Variants in PDE1C observed in about 807,000 individuals in gnomAD.
PDE1C encodes the protein dual specificity calcium/calmodulin-dependent 3',5'-cyclic nucleotide phosphodiesterase 1C.
In PDE1C, 62 loss-of-function variants were observed where a neutral mutation model predicts 93.1. The ratio of observed to expected loss-of-function variants is 0.67; its 90% CI spans 0.54 to 0.82. The LOEUF (loss-of-function observed/expected upper bound fraction) is 0.82, where lower values mean the gene tolerates loss of function less well. PDE1C is among the 40% of genes least tolerant of loss of function. The pLI is 0.00. For missense variants in PDE1C, 742 were observed against 884.6 expected, an observed-to-expected ratio of 0.84 and a Z score of 2.04; for synonymous variants, 325 against 310.1, an observed-to-expected ratio of 1.05 and a Z score of -0.50.
intron 1 of PDE1C, among the ~76,000 whole-genome samples, chr7:32,357,747 C>T (rs1287848732): frequency 6.6e-6 from 1 of 152,176 alleles, no homozygotes; most frequent in African/African-American, 2.4e-5. Flanking sequence ...GAGTACATGC[C>T]TTCACTGTGG....
chr7:31,991,736 G>A (rs554607011), intron 2 of PDE1C, among the ~76,000 whole-genome samples: 5 of 152,268 alleles, frequency 3.3e-5, no homozygotes, highest in South Asian at 2.1e-4. Flanking sequence ...GTGTATATGC[G>A]TATGTGTGTG....
At chr7:31,645,758 AG>A in the PDE1C span, among the ~76,000 whole-genome samples, 1 of 152,054 alleles carries the variant, frequency 6.6e-6, no homozygotes, top group Non-Finnish European at 1.5e-5. Context: ...TCACAACGGG[AG>A]GGGGGTGGTT....
At chr7:32,358,727 A>G (rs1784077254) in intron 1 of PDE1C, among the ~76,000 whole-genome samples, 1 of 152,198 alleles carries the variant, frequency 6.6e-6, no homozygotes, top group African/African-American at 2.4e-5. Flanking sequence ...CCCATTTTAC[A>G]GGTGAGGAAA....
At chr7:32,017,955 C>T (rs2128604726) in intron 2 of PDE1C, among the ~76,000 whole-genome samples, 1 of 152,006 alleles carries the variant, frequency 6.6e-6, no homozygotes, top group East Asian at 1.9e-4. Flanking sequence ...TGGTGCATGC[C>T]TGTGGTCCCT....
At chr7:32,257,929 GC>G (rs1020847761) in intron 1 of PDE1C, among the ~76,000 whole-genome samples, 1 of 152,208 alleles carries the variant, frequency 6.6e-6, no homozygotes, top group Admixed American at 6.5e-5. Context: ...CTGTCCTGCA[GC>G]CAAGGAAATG....
intron 2 of PDE1C, among the ~76,000 whole-genome samples, chr7:31,962,635 G>C (rs1027077379): frequency 2.6e-5 from 4 of 152,160 alleles, no homozygotes; most frequent in African/African-American, 9.7e-5. Flanking sequence ...AAGCAGGAGA[G>C]GACATGGTTA....
intron 16 of PDE1C, chr7:31,783,655 T>C (rs758498966): frequency 2.0e-5 from 3 of 152,046 alleles, no homozygotes; most frequent in Non-Finnish European, 4.4e-5. Context: ...AGATTTACAA[T>C]AAACACATCA....
chr7:32,077,101 G>A (rs565147799), intron 3 of PDE1C, among the ~76,000 whole-genome samples: 3 of 152,248 alleles, frequency 2.0e-5, no homozygotes, highest in Non-Finnish European at 2.9e-5. Context: ...GTAGCCAGGC[G>A]TGGTGGCACA....
At position 32,307,908 on chromosome 7, in the gene PDE1C, CGTGAGCCGAAGCAGG is replaced by C. The variant is rs1023554286; in HGVS notation, c.311-98384_311-98370del. On this transcript the variant is annotated intron_variant, in intron 1 of 1. Transcript: ENST00000672256. The stretch of plus-strand genomic sequence containing the variant: ...AGGACAGTGGGTGCAGCGCACTGTG[CGTGAGCCGAAGCAGG>C]GCGAGGCATTGTCTCACTTGGGAAG... Among the ~76,000 whole-genome samples, 16 of 152,250 alleles carry C rather than the reference CGTGAGCCGAAGCAGG, an allele frequency of 1.1e-4. No individual in the cohort carries two copies. In the South Asian group the frequency reaches 3.1e-3, roughly 30 times the overall value.
chr7:32,291,833 G>A (rs568131384), intron 1 of PDE1C, among the ~76,000 whole-genome samples: 7 of 152,268 alleles, frequency 4.6e-5, no homozygotes, highest in South Asian at 2.1e-4. Context: ...GGCAGGAATC[G>A]CAGAGATTTC....
intron 1 of PDE1C, among the ~76,000 whole-genome samples, chr7:32,285,478 C>T (rs963450725): frequency 1.3e-5 from 2 of 151,918 alleles, no homozygotes; most frequent in African/African-American, 4.8e-5. Flanking sequence ...AATGGATAAA[C>T]AAATGTATAT....
intron 2 of PDE1C, among the ~76,000 whole-genome samples, chr7:31,953,751 T>G (rs2129017685): frequency 6.6e-6 from 1 of 151,774 alleles, no homozygotes; most frequent in South Asian, 2.1e-4. Context: ...CCACATTAAC[T>G]CAAGGCCTGT....
At chr7:32,067,655 C>T (rs954202936) in intron 1 of PDE1C, among the ~76,000 whole-genome samples, 5 of 152,188 alleles carry the variant, frequency 3.3e-5, no homozygotes, top group African/African-American at 7.2e-5. Context: ...TGGGCCACAA[C>T]TCTGCCACAC....
intron 13 of PDE1C, among the ~76,000 whole-genome samples, chr7:31,823,724 G>C (rs1204578041): frequency 6.6e-6 from 1 of 152,094 alleles, no homozygotes; most frequent in Non-Finnish European, 1.5e-5. Flanking sequence ...CCAAGTCCAG[G>C]GGAAGTGATA....
intron 3 of PDE1C, among the ~76,000 whole-genome samples, chr7:32,125,376 C>T (rs537668652): frequency 6.6e-6 from 1 of 151,966 alleles, no homozygotes; most frequent in Non-Finnish European, 1.5e-5. Flanking sequence ...GGGTATATAC[C>T]CAAAAGAATA....
intron 17 of PDE1C, among the ~76,000 whole-genome samples, chr7:31,761,660 C>G (rs1794839884): frequency 6.6e-6 from 1 of 152,180 alleles, no homozygotes; most frequent in Admixed American, 6.5e-5. Context: ...TCTTAGTGCT[C>G]AATTTGTACC....
chr7:31,997,009 C>T (rs17336044), intron 2 of PDE1C, among the ~76,000 whole-genome samples: 11,445 of 152,174 alleles, frequency 0.075, 582 homozygotes, highest in Middle Eastern at 0.15. Context: ...TATCAGTGCA[C>T]AGAAAGATAG....
chr7:32,298,827 G>A, exon 1 of PDE1C: 1 of 1,470,084 alleles, frequency 6.8e-7, no homozygotes, highest in Non-Finnish European at 9.0e-7. Flanking sequence ...GCTCGGCGGC[G>A]AATCCTCCCC....
chr7:32,314,223 C>G (rs1306522401), intron 1 of PDE1C, among the ~76,000 whole-genome samples: 1 of 152,066 alleles, frequency 6.6e-6, no homozygotes, highest in Admixed American at 6.6e-5. Context: ...ATATAATTTA[C>G]TGAGGAGGTG....
Sources: allele counts gnomAD v4.1 joint callset (sites outside exome capture counted in the v4.1 genomes callset), GRCh38; gene constraint gnomAD v4.1.1; transcripts MANE v1.5; gene names NCBI Gene and HGNC (gene_info 2026-07-23, HGNC 2026-07-21).